The following F5 variants were observed in gnomAD, a reference collection of about 807,000 sequenced individuals.
The protein encoded by F5 is activated protein c cofactor.
A neutral mutation model predicts 216.4 loss-of-function variants in F5; 138 were observed. That is an observed-to-expected ratio of 0.64 (90% CI 0.56 to 0.73). The LOEUF is 0.73. Ranked by LOEUF, F5 falls within the 30% of genes least tolerant of loss-of-function variation. The pLI, the probability that F5 is intolerant of heterozygous loss-of-function variation, is 0.00. For missense variants in F5, 2,403 were observed against 2,674.0 expected (o/e 0.90, Z 2.24); for synonymous variants, 916 against 930.7 (o/e 0.98, Z 0.29).
Position 169,555,168 on chromosome 1 carries a change from C to A in F5, c.1118+14G>T, listed in dbSNP as rs775527731. The A allele has an allele frequency of 6.2e-7, 1 of 1,613,948 alleles. No individual in the cohort carries two copies. The highest frequency in any genetic ancestry group is 1.1e-5 in the South Asian group (1 of 91,064). On this transcript the variant is annotated intron_variant, in intron 7 of 24. Transcript: ENST00000367797. ...TTGAACCTTTGCCCAGTGGTATGAA[C>A]CCCAACAACTCACTTGTCCATATTC...
intron 14 of F5, among the ~76,000 whole-genome samples, chr1:169,533,886 A>G (rs981140532): frequency 6.6e-6 from 1 of 152,144 alleles, no homozygotes; most frequent in African/African-American, 2.4e-5. Context: ...ACCACCCCTC[A>G]TATTGTCTTA....
At chr1:169,527,803 G>C (rs1659494861) in intron 17 of F5, 112 bp downstream of exon 17, 1 of 1,377,942 alleles carries the variant, frequency 7.3e-7, no homozygotes, top group Admixed American at 2.0e-5. Flanking sequence ...CCAGAACCCT[G>C]TGTTCTGACC....
At chr1:169,553,586 T>G (rs560469541) in intron 7 of F5, among the ~76,000 whole-genome samples, 82 of 152,328 alleles carry the variant, frequency 5.4e-4, no homozygotes, top group African/African-American at 1.4e-3. Flanking sequence ...TGTATTTGTG[T>G]TGGCGGGCCC....
At chr1:169,524,809 A>T (rs763172078) in intron 19 of F5, 28 bp downstream of exon 19, 1 of 1,592,072 alleles carries the variant, frequency 6.3e-7, no homozygotes, top group African/African-American at 1.3e-5. Flanking sequence ...AGGGGGTACC[A>T]TTCACAGACC....
rs542446801 is a variant in F5, at chr1:169,568,463, TA to T, written c.373+3757del. ...TTACAACATACATTAATATAAAGTA[TA>T]AAATACAAACAGCTATTAAGAGGAA... is the stretch of plus-strand genomic sequence containing the variant. On this transcript the variant is annotated intron_variant, in intron 3 of 24. Coordinates refer to ENST00000367797, the MANE Select transcript of F5 (RefSeq NM_000130.5). Among the ~76,000 whole-genome samples, 5 of 152,184 alleles carry T rather than the reference TA, an allele frequency of 3.3e-5. No individual in the cohort carries two copies. The South Asian group carries it at 1.0e-3, about 32-fold the overall frequency.
At chr1:169,570,363 G>A (rs1660696045) in intron 3 of F5, among the ~76,000 whole-genome samples, 1 of 152,062 alleles carries the variant, frequency 6.6e-6, no homozygotes, top group South Asian at 2.1e-4. Flanking sequence ...GATATTTTGA[G>A]GTTTCTCCCC....
intron 2 of F5, among the ~76,000 whole-genome samples, chr1:169,577,567 A>ATG (rs1660885392): frequency 2.9e-5 from 1 of 34,372 alleles, no homozygotes; most frequent in Non-Finnish European, 4.8e-5. Flanking sequence ...TTAAATATAT[A>ATG]TATATATATA....
intron 3 of F5, among the ~76,000 whole-genome samples, chr1:169,565,983 GA>G (rs984879580): frequency 6.6e-6 from 1 of 151,918 alleles, no homozygotes; most frequent in African/African-American, 2.4e-5. Flanking sequence ...GTCTATAAAA[GA>G]AAAAAAGTTT....
intron 2 of F5, among the ~76,000 whole-genome samples, chr1:169,581,452 T>G (rs1403109992): frequency 1.3e-5 from 2 of 152,056 alleles, no homozygotes; most frequent in Non-Finnish European, 2.9e-5. Context: ...GGAGATTTTT[T>G]TTTTTCTTTT....
At chr1:169,545,945 A>C (rs3766110) in intron 11 of F5, among the ~76,000 whole-genome samples, 35,425 of 152,062 alleles carry the variant, frequency 0.23, 4,216 homozygotes, top group Admixed American at 0.33. Context: ...TTGTTCTGAA[A>C]ATCTTACTGA....
At chr1:169,560,284 A>G (rs1466858594) in intron 4 of F5, among the ~76,000 whole-genome samples, 1 of 152,194 alleles carries the variant, frequency 6.6e-6, no homozygotes, top group Non-Finnish European at 1.5e-5. Context: ...TCATACAAGC[A>G]TGACATCAGA....
chr1:169,546,418 A>G, intron 11 of F5, 24 bp downstream of exon 11: 1 of 1,613,930 alleles, frequency 6.2e-7, no homozygotes. Flanking sequence ...AAAACTGATG[A>G]ACAAAAATAG....
chr1:169,538,157 GA>G, intron 13 of F5, among the ~76,000 whole-genome samples: 1 of 152,012 alleles, frequency 6.6e-6, no homozygotes, highest in South Asian at 2.1e-4. Flanking sequence ...TTAAAAAAAA[GA>G]AAACGAAGAA....
chr1:169,543,318 T>C (rs1294568467), intron 12 of F5, among the ~76,000 whole-genome samples: 1 of 152,198 alleles, frequency 6.6e-6, no homozygotes, highest in Non-Finnish European at 1.5e-5. Context: ...AAATATTTAG[T>C]AAACTTTTGT....
intron 10 of F5, among the ~76,000 whole-genome samples, chr1:169,546,794 T>C (rs1014953137): frequency 1.3e-5 from 2 of 152,066 alleles, no homozygotes; most frequent in African/African-American, 2.4e-5. Flanking sequence ...ACTGGACCCC[T>C]TTCTTACATC....
rs9332570 is a variant in F5, at chr1:169,558,837, C to G, written c.730+316G>C. On this transcript the variant is annotated intron_variant, in intron 5 of 24. Coordinates refer to ENST00000367797, the MANE Select transcript of F5 (RefSeq NM_000130.5). ...CTGCTAGGGCTTGTCCTTGAAGAAG[C>G]CATGGTCATCATATAGAGGAACTGC... 0.35 allele frequency among the ~76,000 whole-genome samples: 53,912 copies of G among 151,906 alleles called. 13,538 individuals are homozygous for G. Among genetic ancestry groups the G allele is most frequent in the African/African-American group, 0.69 (28,619 of 41,420 alleles).
chr1:169,582,611 G>T, intron 1 of F5, 89 bp from the exon 2 acceptor site: 1 of 675,982 alleles, frequency 1.5e-6, no homozygotes. Flanking sequence ...CATATCTTCA[G>T]ACTTCTAGTA....
At chr1:169,525,024 C>T (rs1026055276) in intron 18 of F5, 116 bp from the exon 19 acceptor site, 1 of 811,126 alleles carries the variant, frequency 1.2e-6, no homozygotes, top group African/African-American at 1.7e-5. Context: ...TTTTACCTAC[C>T]TTGTGTGGCC....
At chr1:169,576,027 T>C (rs1040906076) in intron 2 of F5, among the ~76,000 whole-genome samples, 7 of 151,952 alleles carry the variant, frequency 4.6e-5, no homozygotes, top group Non-Finnish European at 1.0e-4. Flanking sequence ...GTTTTGAAGA[T>C]GGAGGAAGGG....
Sources: allele counts gnomAD v4.1 joint callset (sites outside exome capture counted in the v4.1 genomes callset), GRCh38; gene constraint gnomAD v4.1.1; transcripts MANE v1.5; gene names NCBI Gene and HGNC (gene_info 2026-07-23, HGNC 2026-07-21).